Variants in PPP6R1 observed in about 807,000 individuals in gnomAD.
The protein encoded by PPP6R1 is protein phosphatase 6 regulatory subunit 1.
A neutral mutation model predicts 104.6 loss-of-function variants in PPP6R1; 39 were observed. That is an observed-to-expected ratio of 0.37 (90% CI 0.29 to 0.49). PPP6R1 has a LOEUF of 0.49. Ranked by LOEUF, PPP6R1 falls within the 20% of genes least tolerant of loss-of-function variation. PPP6R1 has a pLI of 0.98. For synonymous variants in PPP6R1, 549 were observed against 479.0 expected (o/e 1.15, Z -1.91); for missense variants, 1,181 against 1,155.8 (o/e 1.02, Z -0.32).
chr19:55,251,004 T>C (rs779181675), intron 1 of PPP6R1, among the ~76,000 whole-genome samples: 9 of 152,206 alleles, frequency 5.9e-5, no homozygotes, highest in Non-Finnish European at 1.3e-4. Context: ...CAGAACACAC[T>C]AAGCTTGGGT....
rs1027339252 is a variant in PPP6R1 at position 55,241,035 on chromosome 19, T to C, written c.1206A>G (p.Gln402=). The change falls in exon 10 of 24, where the codon CAA becomes CAG. Residue 402 remains glutamine (Q), a synonymous_variant. Transcript: ENST00000412770. This position sits in a 1 kb window ranked among gnomAD's most constrained non-coding sequence, Gnocchi z 5.4. ...HYVFNNFLHA[Q]VEGCVSTMLS... ...GCATGGTGCTCACGCATCCCTCTAC[T>C]TGGGCATGCAAGAAGTTGTTGAAGA... 5 of 1,565,416 alleles carry C rather than the reference T, an allele frequency of 3.2e-6. No homozygotes were observed. The highest frequency in any genetic ancestry group is 3.8e-5 in the Admixed American group (2 of 52,448).
At chr19:55,236,222 T>C (rs1366720869) in intron 17 of PPP6R1, 1 of 168,494 alleles carries the variant, frequency 5.9e-6, no homozygotes, top group East Asian at 1.7e-4. Flanking sequence ...TGGTATGATC[T>C]CGGCTCACTG....
At chr19:55,243,404 C>CAAAAAAAAAAAAAAAAAAAAA (rs58375899) in intron 5 of PPP6R1, among the ~76,000 whole-genome samples, 4 of 49,142 alleles carry the variant, frequency 8.1e-5, no homozygotes, top group African/African-American at 2.8e-4. Context: ...GACTCCATCT[C>CAAAAAAAAAAAAAAAAAAAAA]AAAAAAAAAA....
chr19:55,236,632 G>A lies in PPP6R1; in HGVS notation c.1988+11C>T, dbSNP rs2122566227. 2.0e-6 allele frequency: 3 copies of A among 1,528,280 alleles called. No homozygotes were observed. Among genetic ancestry groups the A allele is most frequent in the Non-Finnish European group, 2.6e-6 (3 of 1,143,528 alleles). 94.7% of individuals were successfully genotyped at this position (1,528,280 alleles called of 1,614,324 possible). On this transcript the variant is annotated intron_variant, in intron 17 of 23. Transcript: ENST00000412770. ...GGAAGCTTGGAGAAGGGAAACTGGA[G>A]GGGGACTCACCGGACACCAGGTGGC...
chr19:55,237,247 T>G (rs1381515590), intron 15 of PPP6R1, among the ~76,000 whole-genome samples: 1 of 152,058 alleles, frequency 6.6e-6, no homozygotes. Flanking sequence ...GGCTCGGAAA[T>G]GTTAAGCGAC....
chr19:55,228,877 G>T, downstream of PPP6R1: 1 of 896,616 alleles, frequency 1.1e-6, no homozygotes, highest in Non-Finnish European at 1.8e-6. Context: ...CCAGGGAGAT[G>T]TTGTCCTCAC....
chr19:55,240,373 G>T, intron 10 of PPP6R1, 73 bp from the exon 11 acceptor site: 1 of 1,428,444 alleles, frequency 7.0e-7, no homozygotes, highest in South Asian at 1.2e-5. Context: ...ACTGCAGCAG[G>T]GGTCCCTTCC....
rs368464619 is a variant in PPP6R1 at position 55,232,128 on chromosome 19, G to T, written c.2072C>A (p.Ala691Asp). The T allele has an allele frequency of 5.0e-6, 8 of 1,596,972 alleles. No individual in the cohort carries two copies. Among genetic ancestry groups the T allele is most frequent in the Non-Finnish European group, 6.0e-6 (7 of 1,171,956 alleles). Residue 691 changes from alanine to aspartate, a missense_variant, in exon 18 of 24, where the codon GCC becomes GAC. By Grantham distance (126) the Ala-to-Asp change is moderately radical. Coordinates refer to ENST00000412770, the MANE Select transcript of PPP6R1 (RefSeq NM_014931.4). ...EEDEEGIGCA[A>D]RGGATPLSYP... ...GGACAGAGGGGTGGCCCCTCCACGGGCTGCACAGCCAATGCCCTCCTCGTC... is the reference window on the plus strand; with the variant it reads ...GGACAGAGGGGTGGCCCCTCCACGGTCTGCACAGCCAATGCCCTCCTCGTC...
rs1359866094 is a variant in PPP6R1 at position 55,239,496 on chromosome 19, T to C, written c.1660A>G (p.Met554Val). Residue 554 changes from methionine to valine, a missense_variant, in exon 15 of 24, where the codon ATG (methionine) becomes GTG (valine). By Grantham distance (21) the Met-to-Val change is conservative (BLOSUM62 1). Transcript: ENST00000412770. ...GTCATGCGCTGCATCTGGAAGTCCA[T>C]GAAGGCCTGTGGGGGTGCGGAGGTT... ...PEEAVLQQAF[M>V]DFQMQRMTSA... 6.2e-7 allele frequency: 1 copy of C among 1,613,920 alleles called. No homozygotes were observed. Among genetic ancestry groups the C allele is most frequent in the Non-Finnish European group, 8.5e-7 (1 of 1,179,852 alleles).
At chr19:55,242,516 C>G (rs775814061) in intron 5 of PPP6R1, 28 bp from the exon 6 acceptor site, 3 of 1,586,548 alleles carry the variant, frequency 1.9e-6, no homozygotes, top group Non-Finnish European at 2.6e-6. Context: ...AGGTGAGGAT[C>G]CTGGTCGGGC....
At position 55,230,535 on chromosome 19, in the gene PPP6R1, G is replaced by C. The variant is rs1568941714; in HGVS notation, c.2643-4C>G. 1.2e-6 allele frequency: 2 copies of C among 1,613,590 alleles called. No individual in the cohort carries two copies. The highest frequency in any genetic ancestry group is 1.7e-6 in the Non-Finnish European group (2 of 1,179,830). ...CGCTGCCGCACCAGGCAGCTATCTG[G>C]AAACAGAGGGAGATGTCGTGTGAGG... On this transcript the variant is annotated splice_polypyrimidine_tract_variant and splice_region_variant and intron_variant, in intron 23 of 23. Coordinates refer to ENST00000412770, the MANE Select transcript of PPP6R1 (RefSeq NM_014931.4).
rs549665105 is a variant in PPP6R1 at position 55,238,356 on chromosome 19, C to G, written c.1751+1049G>C. Among the ~76,000 whole-genome samples the G allele has an allele frequency of 3.9e-5, 6 of 152,340 alleles. No homozygotes were observed. In the South Asian group the frequency reaches 1.0e-3, roughly 26 times the overall value. ...ACCTCTGTCCAGCTGTGGACTAAGC[C>G]AGGAACAGCTGACTATCCCTCATCG... On this transcript the variant is annotated intron_variant, in intron 15 of 23. Transcript: ENST00000412770.
downstream of PPP6R1, chr19:55,228,591 G>A (rs1403476781): frequency 6.5e-7 from 1 of 1,528,466 alleles, no homozygotes; most frequent in Non-Finnish European, 8.8e-7. Flanking sequence ...AGCTTCCCAG[G>A]GCCCAACCAA....
chr19:55,238,146 C>T (rs1485289585), intron 15 of PPP6R1, among the ~76,000 whole-genome samples: 1 of 151,622 alleles, frequency 6.6e-6, no homozygotes, highest in African/African-American at 2.4e-5. Context: ...AGCGATCCTC[C>T]TGCCTCGGCC....
chr19:55,244,154 G>A (rs1437577175), intron 5 of PPP6R1, among the ~76,000 whole-genome samples: 2 of 152,214 alleles, frequency 1.3e-5, no homozygotes, highest in African/African-American at 4.8e-5. Context: ...GTGGCCCTGG[G>A]CCATGCCTCA....
chr19:55,241,422 G>C lies in PPP6R1; in HGVS notation c.1009-31C>G, dbSNP rs373557467. On this transcript the variant is annotated intron_variant, in intron 8 of 23. Transcript: ENST00000412770. This position sits in a 1 kb window ranked among gnomAD's most constrained non-coding sequence, Gnocchi z 5.4. ...GACACAGGGAGGCCTGATTCCCAAG[G>C]GCTGCCCTTCCTGCTTCCCCCGCCT... 2 of 1,597,408 alleles carry C rather than the reference G, an allele frequency of 1.3e-6. No individual in the cohort carries two copies. Among genetic ancestry groups the C allele is most frequent in the Non-Finnish European group, 1.7e-6 (2 of 1,169,594 alleles).
chr19:55,247,819 A>G (rs1000146061), intron 1 of PPP6R1, among the ~76,000 whole-genome samples: 1 of 152,188 alleles, frequency 6.6e-6, no homozygotes, highest in Non-Finnish European at 1.5e-5. Context: ...GGAACAAGGA[A>G]GAGGAAAAGT....
Position 55,239,272 on chromosome 19 carries a change from G to C in PPP6R1, c.1751+133C>G, listed in dbSNP as rs114484956. 3,372 of 859,228 alleles carry C rather than the reference G, an allele frequency of 3.9e-3. 59 individuals are homozygous for C. In the African/African-American group the frequency reaches 0.049, roughly 13 times the overall value. The allele number at this position is 859,228 out of a possible 1,614,324, so 53.2% of individuals were successfully genotyped here. ...ACACACACAAGGCCACGGCCAACGC[G>C]TGCCCAGGAGGGGCCACAGCTGCAG... is the stretch of plus-strand genomic sequence containing the variant. On this transcript the variant is annotated intron_variant, in intron 15 of 23. Transcript: ENST00000412770.
chr19:55,240,134 C>A lies in PPP6R1; in HGVS notation c.1362-20G>T, dbSNP rs372512233. 2 of 1,564,842 alleles carry A rather than the reference C, an allele frequency of 1.3e-6. No homozygotes were observed. The highest frequency in any genetic ancestry group is 1.7e-6 in the Non-Finnish European group (2 of 1,155,370). ...GCACACCTGGCAAGAGTGAAGGCCG[C>A]GGCTGCAAGCCAGGACTGGACCCAG... On this transcript the variant is annotated intron_variant, in intron 11 of 23. Coordinates refer to ENST00000412770, the MANE Select transcript of PPP6R1 (RefSeq NM_014931.4).
Sources: allele counts gnomAD v4.1 joint callset (sites outside exome capture counted in the v4.1 genomes callset), GRCh38; gene constraint gnomAD v4.1.1; non-coding constraint Gnocchi (gnomAD v3.1); transcripts MANE v1.5; gene names NCBI Gene and HGNC (gene_info 2026-07-23, HGNC 2026-07-21).